The following KIF2A variants were observed in gnomAD, a reference collection of about 807,000 sequenced individuals.
The protein encoded by KIF2A is kinesin-like protein KIF2A.
In KIF2A, 22 loss-of-function variants were observed where a neutral mutation model predicts 100.2. That is an observed-to-expected ratio of 0.22 (90% confidence interval 0.16 to 0.31). The LOEUF is 0.31. KIF2A is among the 10% of genes least tolerant of loss of function. The pLI is 1.00. For synonymous variants in KIF2A, 268 were observed against 285.9 expected (o/e 0.94, Z 0.63); for missense variants, 495 against 898.7 (o/e 0.55, Z 5.74).
chr5:62,338,771 C>A (rs1320026247), intron 1 of KIF2A, among the ~76,000 whole-genome samples: 3 of 152,080 alleles, frequency 2.0e-5, no homozygotes, highest in African/African-American at 7.2e-5. Flanking sequence ...AGATAAGCCA[C>A]AACTTTGTAG....
chr5:62,339,756 A>G (rs1747185270), intron 1 of KIF2A, among the ~76,000 whole-genome samples: 1 of 150,590 alleles, frequency 6.6e-6, no homozygotes, highest in Non-Finnish European at 1.5e-5. Context: ...TGCAAAAAAT[A>G]GTATTGAGCA....
chr5:62,388,709 T>C lies in KIF2A; in HGVS notation c.*3140T>C. 3 of 347,648 alleles carry C rather than the reference T, an allele frequency of 8.6e-6. No homozygotes were observed. The highest frequency in any genetic ancestry group is 1.6e-5 in the Non-Finnish European group (3 of 190,010). 21.5% of individuals were successfully genotyped at this position (347,648 alleles called of 1,614,324 possible). On this transcript the variant is annotated 3_prime_UTR_variant, in exon 21 of 21. Transcript: ENST00000407818. ...CAGTATATAACAGTAAATAGAAGAG[T>C]AACATCTTTATACAATAAACTGTTA...
chr5:62,384,422 C>T (rs1053057103), intron 20 of KIF2A, among the ~76,000 whole-genome samples: 1 of 152,186 alleles, frequency 6.6e-6, no homozygotes, highest in East Asian at 1.9e-4. Context: ...GTAACCTTGA[C>T]ACTGTTAACA....
At chr5:62,313,790 T>C (rs2111778763) in intron 1 of KIF2A, among the ~76,000 whole-genome samples, 5 of 152,244 alleles carry the variant, frequency 3.3e-5, no homozygotes, top group Admixed American at 3.3e-4. Flanking sequence ...TTAAATTGTT[T>C]TGGTATCAAA....
intron 1 of KIF2A, among the ~76,000 whole-genome samples, chr5:62,307,681 G>C (rs1289241007): frequency 6.7e-6 from 1 of 149,702 alleles, no homozygotes; most frequent in African/African-American, 2.5e-5. Context: ...GCAGTGGTGC[G>C]ATCTCGGCCC....
rs775533413 is a variant in KIF2A, at chr5:62,389,485, C to CAAAAA, written c.*3928_*3932dup. Among the ~76,000 whole-genome samples, 65 of 75,888 alleles carry CAAAAA rather than the reference C, an allele frequency of 8.6e-4. 1 individual carries two copies. The highest frequency in any genetic ancestry group is 2.7e-3 in the African/African-American group (47 of 17,536). The allele number at this position is 75,888 out of a possible 152,430, so 49.8% of individuals were successfully genotyped here. A position where few individuals can be genotyped will look rare whatever the true frequency, so the allele number is the denominator to read the frequency against. ...TGGGTGACAGAGCAAGACTCTGTCT[C>CAAAAA]AAAAAAAAAAAAAAAAGAAATGTTA... On this transcript the variant is annotated 3_prime_UTR_variant, in exon 21 of 21. Coordinates refer to ENST00000407818, the MANE Select transcript of KIF2A (RefSeq NM_001098511.3).
intron 1 of KIF2A, among the ~76,000 whole-genome samples, chr5:62,334,314 A>G (rs1293474690): frequency 6.6e-6 from 1 of 151,608 alleles, no homozygotes; most frequent in Non-Finnish European, 1.5e-5. Flanking sequence ...GACTTTGTTC[A>G]CCTCTCAGCC....
At chr5:62,361,431 T>C (rs1398000077) in intron 10 of KIF2A, 35 bp from the exon 11 acceptor site, 2 of 1,454,272 alleles carry the variant, frequency 1.4e-6, no homozygotes, top group Admixed American at 1.7e-5. Context: ...TATTCCTGAG[T>C]AATGTCTGTT....
chr5:62,381,571 C>T (rs1238596660), intron 20 of KIF2A, among the ~76,000 whole-genome samples: 1 of 152,190 alleles, frequency 6.6e-6, no homozygotes, highest in African/African-American at 2.4e-5. Context: ...GAATTATCTT[C>T]TTTCTGTGCC....
intron 1 of KIF2A, among the ~76,000 whole-genome samples, chr5:62,331,651 A>G (rs944766108): frequency 7.2e-5 from 11 of 152,170 alleles, no homozygotes; most frequent in African/African-American, 2.4e-4. Flanking sequence ...AAATTTTTAT[A>G]GAAACGTCTA....
intron 1 of KIF2A, among the ~76,000 whole-genome samples, chr5:62,311,327 C>T (rs973510581): frequency 3.3e-5 from 5 of 152,148 alleles, no homozygotes; most frequent in African/African-American, 1.2e-4. Flanking sequence ...AAGGCACCAG[C>T]GAGCAGTGTT....
At chr5:62,365,720 T>C (rs1741035460) in intron 15 of KIF2A, among the ~76,000 whole-genome samples, 1 of 152,186 alleles carries the variant, frequency 6.6e-6, no homozygotes, top group Non-Finnish European at 1.5e-5. Context: ...TGTTATGTTC[T>C]TCTGAAGATT....
At chr5:62,351,806 T>TA (rs1747867269) in intron 4 of KIF2A, among the ~76,000 whole-genome samples, 1 of 151,284 alleles carries the variant, frequency 6.6e-6, no homozygotes, top group Admixed American at 6.6e-5. Context: ...GCTAAGTTTT[T>TA]ACTCTCTGTA....
At chr5:62,352,440 T>C (rs746806842) in intron 4 of KIF2A, 148 bp from the exon 5 acceptor site, 13 of 501,508 alleles carry the variant, frequency 2.6e-5, no homozygotes, top group Non-Finnish European at 4.2e-5. Flanking sequence ...TAAACTATAT[T>C]ATATTTTACA....
intron 3 of KIF2A, among the ~76,000 whole-genome samples, 162 bp from the exon 4 acceptor site, chr5:62,349,904 T>G (rs1407062186): frequency 1.3e-5 from 2 of 152,178 alleles, no homozygotes; most frequent in Non-Finnish European, 2.9e-5. Flanking sequence ...AACTTGAATA[T>G]TGATAGCATT....
intron 1 of KIF2A, among the ~76,000 whole-genome samples, chr5:62,326,636 T>G (rs1266190200): frequency 2.6e-5 from 4 of 152,080 alleles, no homozygotes; most frequent in African/African-American, 7.2e-5. Context: ...CATCAACAGT[T>G]ATTTTCTTTA....
chr5:62,308,331 C>T (rs1430429265), intron 1 of KIF2A: 34 of 1,433,352 alleles, frequency 2.4e-5, no homozygotes, highest in Middle Eastern at 2.6e-4. Flanking sequence ...TCACAGTATA[C>T]CAGCAAAAGT....
Position 62,331,726 on chromosome 5 carries a change from C to T in KIF2A, c.65-15404C>T, listed in dbSNP as rs80081825. Among the ~76,000 whole-genome samples the T allele has an allele frequency of 1.9e-3, 272 of 144,090 alleles. 9 individuals are homozygous for T. In the East Asian group the frequency reaches 0.051, roughly 27 times the overall value. The allele number at this position is 144,090 out of a possible 152,430, so 94.5% of individuals were successfully genotyped here. Reference sequence around the variant, plus strand: ...ACTTGCCATATGTATGGTCATATACCACAATCCTATGATTAGGGTAGTTAG... The same window carrying T: ...ACTTGCCATATGTATGGTCATATACTACAATCCTATGATTAGGGTAGTTAG... On this transcript the variant is annotated intron_variant, in intron 1 of 20. Transcript: ENST00000407818.
intron 1 of KIF2A, among the ~76,000 whole-genome samples, chr5:62,318,798 C>T (rs1745961062): frequency 6.6e-6 from 1 of 152,160 alleles, no homozygotes. Flanking sequence ...CCCACATTGG[C>T]TACAGACATG....
Sources: allele counts gnomAD v4.1 joint callset (sites outside exome capture counted in the v4.1 genomes callset), GRCh38; gene constraint gnomAD v4.1.1; transcripts MANE v1.5; gene names NCBI Gene and HGNC (gene_info 2026-07-23, HGNC 2026-07-21).